The following KDM4C variants were observed in gnomAD, a reference collection of about 807,000 sequenced individuals.
KDM4C encodes the protein lysine demethylase 4C.
A neutral mutation model predicts 129.3 loss-of-function variants in KDM4C; 81 were observed. That is an observed-to-expected ratio of 0.63 (90% CI 0.52 to 0.75). The LOEUF (loss-of-function observed/expected upper bound fraction) is 0.75, where lower values mean the gene tolerates loss of function less well. Ranked by LOEUF, KDM4C falls within the 30% of genes least tolerant of loss-of-function variation. The pLI is 0.00. For synonymous variants in KDM4C, 573 were observed against 456.1 expected (o/e 1.26, Z -3.26); for missense variants, 1,457 against 1,304.0 (o/e 1.12, Z -1.81).
intron 3 of KDM4C, among the ~76,000 whole-genome samples, chr9:6,808,779 A>G (rs1463745685): frequency 6.6e-6 from 1 of 151,870 alleles, no homozygotes; most frequent in South Asian, 2.1e-4. Context: ...TAGCTAGCCT[A>G]CACTCAAGGG....
chr9:7,141,689 T>C (rs947744352), intron 19 of KDM4C, among the ~76,000 whole-genome samples: 24 of 152,194 alleles, frequency 1.6e-4, no homozygotes, highest in African/African-American at 5.8e-4. Flanking sequence ...CTTGGTTGTG[T>C]TGGAGTTTCT....
At position 7,068,686 on chromosome 9, in the gene KDM4C, C is replaced by CTTTTTTTTTTTTT. The variant is rs542039227; in HGVS notation, c.2424+19501_2424+19513dup. ...TTCATACATGTTTATGATGCCCTTTCTTTTTTTTTTTTTTTTTTTTTTTTT... is the reference window on the plus strand; with the variant it reads ...TTCATACATGTTTATGATGCCCTTTCTTTTTTTTTTTTTTTTTTTTTTTTTTTTTTTTTTTTTT... On this transcript the variant is annotated intron_variant, in intron 17 of 21. Transcript: ENST00000381309. 2.9e-4 allele frequency among the ~76,000 whole-genome samples: 30 copies of CTTTTTTTTTTTTT among 101,764 alleles called. 1 individual carries two copies. The highest frequency in any genetic ancestry group is 1.2e-3 in the African/African-American group (30 of 25,940). The allele number at this position is 101,764 out of a possible 152,430, so 66.8% of individuals were successfully genotyped here.
At chr9:7,124,313 G>T (rs1337862708) in intron 18 of KDM4C, among the ~76,000 whole-genome samples, 1 of 152,204 alleles carries the variant, frequency 6.6e-6, no homozygotes, top group Non-Finnish European at 1.5e-5. Flanking sequence ...TGCTGACAAT[G>T]ACTGTTTTTC....
rs73411403 is a variant in KDM4C at position 7,113,615 on chromosome 9, C to T, written c.2610+9745C>T. ...CCACTGCAAACTCCCATGCTCACAA[C>T]AGCCTCAGCATACTCTACGAAAGAA... On this transcript the variant is annotated intron_variant, in intron 18 of 21. Coordinates refer to ENST00000381309, the MANE Select transcript of KDM4C (RefSeq NM_015061.6). Among the ~76,000 whole-genome samples the T allele has an allele frequency of 7.5e-3, 1,140 of 152,298 alleles. 11 individuals are homozygous for T. Among genetic ancestry groups the T allele is most frequent in the African/African-American group, 0.023 (948 of 41,556 alleles).
chr9:6,998,406 C>G (rs1400883380), intron 12 of KDM4C, among the ~76,000 whole-genome samples: 1 of 152,200 alleles, frequency 6.6e-6, no homozygotes, highest in Non-Finnish European at 1.5e-5. Context: ...TACATTTATT[C>G]ACTTTTAAGT....
intron 8 of KDM4C, among the ~76,000 whole-genome samples, chr9:6,898,224 T>C (rs568886516): frequency 4.6e-5 from 7 of 152,324 alleles, no homozygotes; most frequent in Admixed American, 6.5e-5. Flanking sequence ...TGTGAAGATA[T>C]TTTGTGTTTG....
chr9:7,096,703 A>G (rs1481428490), intron 17 of KDM4C, among the ~76,000 whole-genome samples: 1 of 152,112 alleles, frequency 6.6e-6, no homozygotes, highest in Non-Finnish European at 1.5e-5. Flanking sequence ...GTCCAACTGT[A>G]AAGGAGCAAA....
At chr9:6,828,170 C>T (rs575481954) in intron 4 of KDM4C, among the ~76,000 whole-genome samples, 24 of 151,444 alleles carry the variant, frequency 1.6e-4, no homozygotes, top group African/African-American at 5.1e-4. Context: ...TTTTTTGAGA[C>T]GGAGCCTCGC....
chr9:6,910,608 A>C (rs1411141989), intron 8 of KDM4C, among the ~76,000 whole-genome samples: 2 of 152,352 alleles, frequency 1.3e-5, no homozygotes, highest in East Asian at 3.9e-4. Flanking sequence ...AGACAAATGG[A>C]AATACTCAGT....
At chr9:6,924,957 A>C in intron 8 of KDM4C, 2 of 985,300 alleles carry the variant, frequency 2.0e-6, no homozygotes, top group Non-Finnish European at 2.4e-6. Flanking sequence ...GGTTATTTTA[A>C]AACACGTTTT....
chr9:6,861,026 C>T (rs1428223196), intron 5 of KDM4C, among the ~76,000 whole-genome samples: 1 of 152,138 alleles, frequency 6.6e-6, no homozygotes, highest in East Asian at 1.9e-4. Flanking sequence ...GCATTTCCAG[C>T]AAGTGATTGA....
At chr9:6,747,338 G>A (rs1018416343) in intron 1 of KDM4C, among the ~76,000 whole-genome samples, 2 of 151,624 alleles carry the variant, frequency 1.3e-5, no homozygotes, top group South Asian at 2.1e-4. Flanking sequence ...GCGAGGTCAG[G>A]AGATCGAGAC....
At chr9:6,915,781 C>T (rs1324160045) in intron 8 of KDM4C, among the ~76,000 whole-genome samples, 1 of 152,148 alleles carries the variant, frequency 6.6e-6, no homozygotes, top group Non-Finnish European at 1.5e-5. Flanking sequence ...GCTAGTTTTA[C>T]ACTTCCAGCT....
At chr9:7,060,663 G>T (rs188725665) in intron 17 of KDM4C, among the ~76,000 whole-genome samples, 1 of 151,804 alleles carries the variant, frequency 6.6e-6, no homozygotes, top group African/African-American at 2.4e-5. Context: ...TGTGTTTTTA[G>T]TAGAGACAGG....
chr9:7,049,078 C>G lies in KDM4C; in HGVS notation c.2316-14C>G. ...GGGAACTTTTGTTTATGTTTAATGT[C>G]TCCTTTCCTGTAGGTGGGCCCATGT... On this transcript the variant is annotated splice_polypyrimidine_tract_variant and intron_variant, in intron 16 of 21. Transcript: ENST00000381309. 6.3e-7 allele frequency: 1 copy of G among 1,583,892 alleles called. No individual in the cohort carries two copies. Among genetic ancestry groups the G allele is most frequent in the South Asian group, 1.1e-5 (1 of 89,826 alleles).
chr9:6,916,375 G>T (rs1036423597), intron 8 of KDM4C, among the ~76,000 whole-genome samples: 8 of 151,748 alleles, frequency 5.3e-5, no homozygotes, highest in Middle Eastern at 3.4e-3. Flanking sequence ...TTTGAAACAG[G>T]GTCTTGCTTT....
At chr9:6,812,550 G>T (rs1038841989) in intron 3 of KDM4C, among the ~76,000 whole-genome samples, 7 of 152,120 alleles carry the variant, frequency 4.6e-5, no homozygotes, top group African/African-American at 1.7e-4. Context: ...GTGCAACCTA[G>T]ACCCCTCACA....
At chr9:6,819,947 CT>C (rs887953194) in intron 4 of KDM4C, among the ~76,000 whole-genome samples, 2 of 150,972 alleles carry the variant, frequency 1.3e-5, no homozygotes, top group Non-Finnish European at 2.9e-5. Context: ...TTGCAGTTTC[CT>C]TTTTCCTTGA....
chr9:6,729,468 G>A (rs1489834897), intron 1 of KDM4C, among the ~76,000 whole-genome samples: 1 of 125,462 alleles, frequency 8.0e-6, no homozygotes, highest in Non-Finnish European at 1.6e-5. Flanking sequence ...TTGAGCCCAG[G>A]GGAGTGGGGC....
Sources: gnomAD v4.1 joint callset for allele counts (sites outside exome capture counted in the v4.1 genomes callset) on GRCh38, gnomAD v4.1.1 for gene constraint, MANE v1.5 for transcripts, NCBI Gene and HGNC (gene_info 2026-07-23, HGNC 2026-07-21) for gene names.